SLC22A23: variants seen among roughly 807,000 people sequenced by gnomAD.
SLC22A23 encodes the protein ion transporter protein.
SLC22A23 carries 26 observed loss-of-function variants against 61.0 expected under a neutral mutation model. The observed-to-expected ratio is 0.43, with a 90% CI of 0.31 to 0.59. SLC22A23 has a LOEUF of 0.59. SLC22A23 is among the 20% of genes least tolerant of loss of function. SLC22A23 has a pLI of 0.11. For synonymous variants in SLC22A23, 430 were observed against 413.9 expected (o/e 1.04, Z -0.47); for missense variants, 796 against 934.7 (o/e 0.85, Z 1.94).
intron 3 of SLC22A23, among the ~76,000 whole-genome samples, chr6:3,408,336 G>A (rs1047498475): frequency 3.9e-5 from 6 of 152,214 alleles, no homozygotes; most frequent in African/African-American, 1.2e-4. Flanking sequence ...ATAATATTTT[G>A]TAGTAAATAT....
At chr6:3,278,284 A>G (rs1759097339) in intron 9 of SLC22A23, among the ~76,000 whole-genome samples, 1 of 152,240 alleles carries the variant, frequency 6.6e-6, no homozygotes, top group Admixed American at 6.5e-5. Flanking sequence ...AGGCATCAGC[A>G]CTTCATATTA....
In SLC22A23 at chr6:3,354,177, A is replaced by G. The variant is rs139356954; in HGVS notation, c.914-30175T>C. Among the ~76,000 whole-genome samples, 69 of 152,364 alleles carry G rather than the reference A, an allele frequency of 4.5e-4. 1 individual carries two copies. The highest frequency in any genetic ancestry group is 1.5e-3 in the African/African-American group (63 of 41,592). On this transcript the variant is annotated intron_variant, in intron 3 of 9. Coordinates refer to ENST00000406686, the MANE Select transcript of SLC22A23 (RefSeq NM_015482.2). ...CACATGCAACTTCTAAGCAAAACAC[A>G]CACACAGGCTCACACAAACACATAG...
rs985120760 is a variant in SLC22A23 at position 3,456,176 on chromosome 6, G to A, written c.384C>T (p.Cys128=). The A allele has an allele frequency of 2.6e-6, 4 of 1,551,190 alleles. No homozygotes were observed. The highest frequency in any genetic ancestry group is 2.4e-5 in the East Asian group (1 of 41,006). The change falls in exon 1 of 10, where the codon TGC becomes TGT. Residue 128 remains cysteine (C), a synonymous_variant. Transcript: ENST00000406686. The surrounding 1 kb of genome is among the most constrained non-coding windows in gnomAD (Gnocchi z 7.1). ...SFLLDQPNFW[C]RGAGKGTELA... is the part of the protein sequence containing the mutation. ...GCTCGGTGCCTTTGCCGGCCCCGCG[G>A]CACCAGAAGTTGGGCTGGTCCAGGA... is the stretch of plus-strand genomic sequence containing the variant.
Position 3,456,778 on chromosome 6 carries a change from G to C in SLC22A23, c.-219C>G, listed in dbSNP as rs972438603. The C allele has an allele frequency of 6.6e-6, 1 of 151,324 alleles. No homozygotes were observed. Among genetic ancestry groups the C allele is most frequent in the Non-Finnish European group, 1.4e-5 (1 of 70,770 alleles). The allele number at this position is 151,324 out of a possible 1,614,324, so 9.4% of individuals were successfully genotyped here. Reference sequence around the variant, plus strand: ...GCGCTGCGGCCCCGCTCGGGCGCCGGGCAGAGGCGGGCAGAGGCCGGCCGG... The same window carrying C: ...GCGCTGCGGCCCCGCTCGGGCGCCGCGCAGAGGCGGGCAGAGGCCGGCCGG... On this transcript the variant is annotated 5_prime_UTR_variant, in exon 1 of 10. Coordinates refer to ENST00000406686, the MANE Select transcript of SLC22A23 (RefSeq NM_015482.2). The surrounding 1 kb of genome is among the most constrained non-coding windows in gnomAD (Gnocchi z 7.1).
In SLC22A23 at chr6:3,455,911, T is replaced by C. The variant is rs1410125815; in HGVS notation, c.649A>G (p.Ser217Gly). Residue 217 changes from serine (S) to glycine (G), a missense_variant, in exon 1 of 10, where the codon AGC becomes GGC. Transcript: ENST00000406686. ...TGGGCGGCTGCGGCCCTTACCTTGCTGACCACGTTCTGGACGAGGCCGGCG... is the reference window on the plus strand; with the variant it reads ...TGGGCGGCTGCGGCCCTTACCTTGCCGACCACGTTCTGGACGAGGCCGGCG... ...IRAGLVQNVV[S>G]KWDLVCDNAW... 2.5e-5 allele frequency: 37 copies of C among 1,500,656 alleles called. No individual in the cohort carries two copies. The Admixed American group carries it at 6.9e-4, about 28-fold the overall frequency. The allele number at this position is 1,500,656 out of a possible 1,614,324, so 93.0% of individuals were successfully genotyped here. A position where few individuals can be genotyped will look rare whatever the true frequency, so the allele number is the denominator to read the frequency against.
intron 4 of SLC22A23, among the ~76,000 whole-genome samples, chr6:3,316,496 T>C (rs1746866330): frequency 1.3e-5 from 2 of 152,216 alleles, no homozygotes; most frequent in South Asian, 2.1e-4. Flanking sequence ...CACCGTTCCA[T>C]GAGGGCGGGA....
intron 3 of SLC22A23, among the ~76,000 whole-genome samples, chr6:3,339,837 T>C (rs1221895050): frequency 6.6e-6 from 1 of 152,230 alleles, no homozygotes; most frequent in African/African-American, 2.4e-5. Context: ...CTGCTCTGTC[T>C]ATGGAGTAGC....
At chr6:3,389,268 CAAAAAAA>C (rs61020784) in intron 3 of SLC22A23, among the ~76,000 whole-genome samples, 1 of 32,600 alleles carries the variant, frequency 3.1e-5, no homozygotes, top group Non-Finnish European at 4.8e-5. Context: ...AACTCTGTCT[CAAAAAAA>C]AAAAAAAAAA....
intron 3 of SLC22A23, among the ~76,000 whole-genome samples, chr6:3,398,848 G>A (rs12190355): frequency 1.3e-5 from 2 of 152,026 alleles, no homozygotes; most frequent in Admixed American, 6.6e-5. Flanking sequence ...GAGCAACATC[G>A]TGAGACCTCA....
chr6:3,453,894 C>G (rs144883634), intron 1 of SLC22A23, among the ~76,000 whole-genome samples: 3,307 of 152,214 alleles, frequency 0.022, 58 homozygotes, highest in Non-Finnish European at 0.031. Flanking sequence ...AGTGTACATC[C>G]CACATTAGTG....
intron 3 of SLC22A23, among the ~76,000 whole-genome samples, chr6:3,405,696 A>C (rs1768779866): frequency 6.6e-6 from 1 of 152,006 alleles, no homozygotes; most frequent in African/African-American, 2.4e-5. Context: ...GTTGCAAGGA[A>C]TATTAGTTCA....
chr6:3,288,861 T>C (rs1162459391), intron 6 of SLC22A23, among the ~76,000 whole-genome samples: 1 of 152,180 alleles, frequency 6.6e-6, no homozygotes, highest in African/African-American at 2.4e-5. Flanking sequence ...GGCTCTACTG[T>C]TGTTTGGGCA....
intron 1 of SLC22A23, among the ~76,000 whole-genome samples, chr6:3,443,086 G>A (rs1248694387): frequency 6.6e-6 from 1 of 152,176 alleles, no homozygotes; most frequent in Admixed American, 6.5e-5. Context: ...CAAAAAGTGT[G>A]TTTTGCTTTT....
intron 3 of SLC22A23, among the ~76,000 whole-genome samples, chr6:3,335,761 A>G (rs1763817104): frequency 6.6e-6 from 1 of 152,188 alleles, no homozygotes; most frequent in Non-Finnish European, 1.5e-5. Context: ...GCACCAACCT[A>G]ATAAGATATC....
chr6:3,273,645 TTATC>T (rs1758637627), intron 9 of SLC22A23, among the ~76,000 whole-genome samples: 1 of 152,200 alleles, frequency 6.6e-6, no homozygotes, highest in South Asian at 2.1e-4. Flanking sequence ...TTTACTTAAT[TTATC>T]TTTTTCTTTA....
intron 9 of SLC22A23, among the ~76,000 whole-genome samples, chr6:3,278,626 C>T (rs1338206137): frequency 6.6e-6 from 1 of 152,198 alleles, no homozygotes. Flanking sequence ...ATAGGAAGGT[C>T]AGCTCACCCA....
Position 3,361,056 on chromosome 6 carries a change from CCA to C in SLC22A23, c.914-37056_914-37055del, listed in dbSNP as rs869247192. On this transcript the variant is annotated intron_variant, in intron 3 of 9. Coordinates refer to ENST00000406686, the MANE Select transcript of SLC22A23 (RefSeq NM_015482.2). ...TTGTTTGTATATTTTCTATTTCTAC[CCA>C]CCCCCCCCATTTTATGCCTGACCCC... Among the ~76,000 whole-genome samples, 516 of 60,052 alleles carry C rather than the reference CCA, an allele frequency of 8.6e-3. 4 individuals carry two copies. Among genetic ancestry groups the C allele is most frequent in the Middle Eastern group, 0.023 (2 of 86 alleles). 39.4% of individuals were successfully genotyped at this position (60,052 alleles called of 152,430 possible).
At chr6:3,381,189 G>A (rs924626254) in intron 3 of SLC22A23, among the ~76,000 whole-genome samples, 5 of 151,920 alleles carry the variant, frequency 3.3e-5, no homozygotes, top group South Asian at 4.2e-4. Context: ...GTCCCTTCCC[G>A]TGGCTATCTC....
intron 3 of SLC22A23, among the ~76,000 whole-genome samples, chr6:3,353,498 C>A (rs1424633475): frequency 6.6e-6 from 1 of 152,162 alleles, no homozygotes; most frequent in Admixed American, 6.5e-5. Flanking sequence ...CTGGGATTCA[C>A]GATGTCACCT....
Sources: allele counts gnomAD v4.1 joint callset (sites outside exome capture counted in the v4.1 genomes callset), GRCh38; gene constraint gnomAD v4.1.1; non-coding constraint Gnocchi (gnomAD v3.1); transcripts MANE v1.5; gene names NCBI Gene and HGNC (gene_info 2026-07-23, HGNC 2026-07-21).